ZMYM1: variants seen among roughly 807,000 people sequenced by gnomAD.
ZMYM1 encodes the protein zinc finger MYM-type protein 1.
Under a neutral mutation model 60.0 loss-of-function variants are expected in ZMYM1, and 39 were observed. That is an observed-to-expected ratio of 0.65 (90% CI 0.50 to 0.85). The LOEUF (loss-of-function observed/expected upper bound fraction) is 0.85. Ranked by LOEUF, ZMYM1 falls within the 40% of genes least tolerant of loss-of-function variation. The pLI is 0.00. For missense variants in ZMYM1, 1,171 were observed against 1,309.5 expected (o/e 0.89, Z 1.63); for synonymous variants, 413 against 454.0 (o/e 0.91, Z 1.15).
At chr1:35,068,844 T>C (rs1450503943) in intron 1 of ZMYM1, among the ~76,000 whole-genome samples, 1 of 152,144 alleles carries the variant, frequency 6.6e-6, no homozygotes, top group Non-Finnish European at 1.5e-5. Flanking sequence ...TTTTCTTTTC[T>C]TTTCTTTTTT....
intron 4 of ZMYM1, among the ~76,000 whole-genome samples, chr1:35,103,273 C>A (rs1179343028): frequency 6.6e-6 from 1 of 152,190 alleles, no homozygotes; most frequent in Admixed American, 6.6e-5. Context: ...CCTCTCCCCC[C>A]AGTGCCTGTC....
intron 1 of ZMYM1, among the ~76,000 whole-genome samples, chr1:35,082,901 A>C (rs1404437699): frequency 6.6e-6 from 1 of 151,852 alleles, no homozygotes; most frequent in African/African-American, 2.4e-5. Flanking sequence ...GAATCACTTG[A>C]ACCCGGGAGG....
intron 1 of ZMYM1, among the ~76,000 whole-genome samples, chr1:35,086,982 CTTTTTTTTTTT>C (rs1184601007): frequency 6.0e-5 from 6 of 100,084 alleles, no homozygotes; most frequent in South Asian, 3.3e-4. Context: ...CGCACCCAGC[CTTTTTTTTTTT>C]TTTTTTTTTT....
chr1:35,106,149 C>T (rs773398994), intron 6 of ZMYM1, among the ~76,000 whole-genome samples: 3 of 151,956 alleles, frequency 2.0e-5, no homozygotes, highest in Non-Finnish European at 2.9e-5. Context: ...AGGAAATAAT[C>T]CAGTGAGATT....
At chr1:35,076,935 CAA>C (rs1239260936), upstream of ZMYM1, among the ~76,000 whole-genome samples, 22 of 79,320 alleles carry the variant, frequency 2.8e-4, no homozygotes, top group East Asian at 4.3e-4. Context: ...AACTCTGTCT[CAA>C]AAAAAAAAAA....
intron 6 of ZMYM1, among the ~76,000 whole-genome samples, chr1:35,105,304 A>AT (rs1643864100): frequency 6.6e-6 from 1 of 151,038 alleles, no homozygotes; most frequent in Non-Finnish European, 1.5e-5. Context: ...CGCCTGGCTA[A>AT]TTTTTTGTAT....
chr1:35,097,193 G>T, intron 3 of ZMYM1, 124 bp from the exon 4 acceptor site: 5 of 1,071,002 alleles, frequency 4.7e-6, no homozygotes, highest in Non-Finnish European at 6.7e-6. Context: ...ACACTGCCTA[G>T]AGTGCAAAAG....
At chr1:35,084,923 T>C (rs1642576859) in intron 1 of ZMYM1, among the ~76,000 whole-genome samples, 1 of 152,032 alleles carries the variant, frequency 6.6e-6, no homozygotes, top group African/African-American at 2.4e-5. Flanking sequence ...GTTTCCACTA[T>C]TTTGTCATGG....
rs1643164590 is a variant in ZMYM1, at chr1:35,093,876, A to G, written c.-74-38A>G. Reference sequence around the variant, plus strand: ...AAAATTACCATATTTAAAAGGACTAATTTTAAAATCAAACTCTTTATCAAT... The same window carrying G: ...AAAATTACCATATTTAAAAGGACTAGTTTTAAAATCAAACTCTTTATCAAT... On this transcript the variant is annotated intron_variant, in intron 1 of 9. Coordinates refer to ENST00000359858, the MANE Select transcript of ZMYM1 (RefSeq NM_024772.5). 4.0e-6 allele frequency: 3 copies of G among 741,108 alleles called. No homozygotes were observed. In the South Asian group the frequency reaches 7.2e-5, roughly 18 times the overall value. The allele number at this position is 741,108 out of a possible 1,614,324, so 45.9% of individuals were successfully genotyped here.
At chr1:35,091,902 A>AG (rs1368397462) in intron 1 of ZMYM1, among the ~76,000 whole-genome samples, 1 of 151,290 alleles carries the variant, frequency 6.6e-6, no homozygotes, top group African/African-American at 2.4e-5. Context: ...AAAAAAAAAA[A>AG]AAAAAAAGAG....
chr1:35,116,402 T>C (rs1644248951), downstream of ZMYM1, among the ~76,000 whole-genome samples: 1 of 152,222 alleles, frequency 6.6e-6, no homozygotes, highest in South Asian at 2.1e-4. Flanking sequence ...GTTATGAAAA[T>C]ATAACTATAT....
In ZMYM1 at chr1:35,102,991, G is replaced by T. The variant is rs11264068; in HGVS notation, c.420-1304G>T. On this transcript the variant is annotated intron_variant, in intron 4 of 9. Transcript: ENST00000359858. ...GATACTTTAAAAAGAATTTTTTTTGGCAGTGAATGTATAGCAGGGAATAAC... is the reference window on the plus strand; with the variant it reads ...GATACTTTAAAAAGAATTTTTTTTGTCAGTGAATGTATAGCAGGGAATAAC... Among the ~76,000 whole-genome samples, 741 of 152,022 alleles carry T rather than the reference G, an allele frequency of 4.9e-3. 7 individuals carry two copies. The highest frequency in any genetic ancestry group is 0.017 in the African/African-American group (709 of 41,518).
At chr1:35,087,237 C>T (rs1350217846) in intron 1 of ZMYM1, among the ~76,000 whole-genome samples, 2 of 151,834 alleles carry the variant, frequency 1.3e-5, no homozygotes, top group African/African-American at 4.8e-5. Context: ...GGTAATCTGC[C>T]TGCCTCAGGC....
intron 1 of ZMYM1, among the ~76,000 whole-genome samples, chr1:35,087,075 C>T (rs1642698451): frequency 6.7e-6 from 1 of 149,110 alleles, no homozygotes; most frequent in East Asian, 2.0e-4. Context: ...TCACAGCAGC[C>T]TCCATCTCCC....
At position 35,089,738 on chromosome 1, in the gene ZMYM1, C is replaced by CTTTTTTTTTTTT. The variant is rs71029065; in HGVS notation, c.-74-4162_-74-4151dup. Among the ~76,000 whole-genome samples the CTTTTTTTTTTTT allele has an allele frequency of 5.4e-4, 33 of 60,992 alleles. 3 individuals carry two copies. Among genetic ancestry groups the CTTTTTTTTTTTT allele is most frequent in the South Asian group, 8.8e-4 (1 of 1,138 alleles). 40.0% of individuals were successfully genotyped at this position (60,992 alleles called of 152,430 possible). A position where few individuals can be genotyped will look rare whatever the true frequency, so the allele number is the denominator to read the frequency against. Reference sequence around the variant, plus strand: ...CCCTCCATAATGATTAGTTGTAAGGCTTTTTTTTTTTTTTTTTTTTTTTTT... The same window carrying CTTTTTTTTTTTT: ...CCCTCCATAATGATTAGTTGTAAGGCTTTTTTTTTTTTTTTTTTTTTTTTTTTTTTTTTTTTT... On this transcript the variant is annotated intron_variant, in intron 1 of 9. Transcript: ENST00000359858.
At chr1:35,100,180 C>T (rs534047686) in intron 4 of ZMYM1, among the ~76,000 whole-genome samples, 1 of 152,128 alleles carries the variant, frequency 6.6e-6, no homozygotes, top group Non-Finnish European at 1.5e-5. Context: ...TATGAGCCAC[C>T]ACGCCCTGCC....
At chr1:35,060,455 C>T (rs764643590) in intron 1 of ZMYM1, among the ~76,000 whole-genome samples, 4 of 151,952 alleles carry the variant, frequency 2.6e-5, no homozygotes, top group East Asian at 1.9e-4. Context: ...CCACCGCGCC[C>T]GGCTGGAAAA....
At chr1:35,102,981 A>G (rs1643736477) in intron 4 of ZMYM1, among the ~76,000 whole-genome samples, 1 of 152,060 alleles carries the variant, frequency 6.6e-6, no homozygotes, top group Non-Finnish European at 1.5e-5. Context: ...TTTAAAAAGA[A>G]TTTTTTTTGG....
At chr1:35,092,759 C>T (rs1413580659) in intron 1 of ZMYM1, among the ~76,000 whole-genome samples, 1 of 152,068 alleles carries the variant, frequency 6.6e-6, no homozygotes, top group East Asian at 1.9e-4. Flanking sequence ...TACCGAGTAG[C>T]TGGGATTACC....
Sources: allele counts gnomAD v4.1 joint callset (sites outside exome capture counted in the v4.1 genomes callset), GRCh38; gene constraint gnomAD v4.1.1; transcripts MANE v1.5; gene names NCBI Gene and HGNC (gene_info 2026-07-23, HGNC 2026-07-21).